SAMD12: variants seen among roughly 807,000 people sequenced by gnomAD.
SAMD12 encodes sterile alpha motif domain containing 12, also known as sterile alpha motif domain-containing protein 12.
In SAMD12, 9 loss-of-function variants were observed where a neutral mutation model predicts 15.0. That is an observed-to-expected ratio of 0.60 (90% CI 0.36 to 1.05). The LOEUF is 1.05. Ranked by LOEUF, SAMD12 falls within the 50% of genes least tolerant of loss-of-function variation. SAMD12 has a pLI of 0.01. For synonymous variants in SAMD12, 86 were observed against 90.1 expected (o/e 0.96, Z 0.25); for missense variants, 230 against 234.2 (o/e 0.98, Z 0.12).
intron 4 of SAMD12, among the ~76,000 whole-genome samples, chr8:118,353,487 G>A (rs772715623): frequency 1.3e-5 from 2 of 151,786 alleles, no homozygotes; most frequent in African/African-American, 4.8e-5. Flanking sequence ...GCTCTCCTCC[G>A]TGTGAGGCAA....
intron 3 of SAMD12, among the ~76,000 whole-genome samples, chr8:118,384,892 C>A (rs574746175): frequency 7.2e-5 from 11 of 152,222 alleles, no homozygotes; most frequent in South Asian, 6.2e-4. Context: ...CCTCTTACAA[C>A]CCAGTTCTGT....
intron 2 of SAMD12, among the ~76,000 whole-genome samples, chr8:118,568,649 T>C (rs1826918240): frequency 6.6e-6 from 1 of 152,194 alleles, no homozygotes; most frequent in Non-Finnish European, 1.5e-5. Context: ...AAAGCTTTAA[T>C]TTATGGGACT....
At chr8:118,503,603 T>C (rs2131046760) in intron 2 of SAMD12, among the ~76,000 whole-genome samples, 1 of 152,344 alleles carries the variant, frequency 6.6e-6, no homozygotes, top group East Asian at 1.9e-4. Flanking sequence ...CCTTTCATCC[T>C]TTCTAAGGAA....
rs564820880 is a variant in SAMD12, at chr8:118,245,963, G to A, written c.434-48231C>T. Among the ~76,000 whole-genome samples, 4 of 152,276 alleles carry A rather than the reference G, an allele frequency of 2.6e-5. No individual in the cohort carries two copies. In the East Asian group the frequency reaches 7.8e-4, roughly 30 times the overall value. Reference sequence around the variant, plus strand: ...GTTGAGAAGCAGCTGCAGGAGGTAGGCAGCACGGTGGTAGCACTTCAGAGC... The same window carrying A: ...GTTGAGAAGCAGCTGCAGGAGGTAGACAGCACGGTGGTAGCACTTCAGAGC... On this transcript the variant is annotated intron_variant, in intron 4 of 4. Coordinates refer to the SAMD12 transcript ENST00000409003.
rs543663613 is a variant in SAMD12, at chr8:118,454,342, T to C, written c.193-14381A>G. Among the ~76,000 whole-genome samples, 13 of 152,324 alleles carry C rather than the reference T, an allele frequency of 8.5e-5. No individual in the cohort carries two copies. In the South Asian group the frequency reaches 2.3e-3, roughly 27 times the overall value. ...AGCTTGATTCTCATTCCTTTTTTGA[T>C]ATCTTACATTTTTCCCCTAGAAGGC... On this transcript the variant is annotated intron_variant, in intron 2 of 3. Coordinates refer to ENST00000314727, the MANE Select transcript of SAMD12 (RefSeq NM_207506.3).
chr8:118,546,283 G>A (rs1826120332), intron 2 of SAMD12, among the ~76,000 whole-genome samples: 3 of 152,134 alleles, frequency 2.0e-5, no homozygotes, highest in Admixed American at 2.0e-4. Flanking sequence ...AAATGAAGAG[G>A]TGGAATTGGG....
intron 3 of SAMD12, among the ~76,000 whole-genome samples, chr8:118,406,890 T>TTGTGTGTGTG (rs3052708): frequency 0.025 from 3,664 of 147,384 alleles, 64 homozygotes; most frequent in African/African-American, 0.035. Flanking sequence ...CAATATTCCA[T>TTGTGTGTGTG]TGTGTGTGTG....
At position 118,580,900 on chromosome 8, in the gene SAMD12, A is replaced by T. The variant is rs761999125; in HGVS notation, c.14-7T>A. The T allele has an allele frequency of 1.9e-6, 3 of 1,599,518 alleles. No individual in the cohort carries two copies. The highest frequency in any genetic ancestry group is 2.3e-5 in the South Asian group (2 of 88,316). ...TTCAAACCACAGTGGAGAGCTAGGA[A>T]AAAGCAACAAATAGAACTCAGAAAA... On this transcript the variant is annotated splice_polypyrimidine_tract_variant and splice_region_variant and intron_variant, in intron 1 of 3. Coordinates refer to ENST00000314727, the MANE Select transcript of SAMD12 (RefSeq NM_207506.3).
intron 4 of SAMD12, among the ~76,000 whole-genome samples, chr8:118,345,232 C>T (rs1365782309): frequency 6.6e-6 from 1 of 152,144 alleles, no homozygotes; most frequent in South Asian, 2.1e-4. Flanking sequence ...ACATGCTGTA[C>T]AGGTTTGCAG....
rs78547324 is a variant in SAMD12, at chr8:118,443,589, A to G, written c.193-3628T>C. 1.6e-3 allele frequency among the ~76,000 whole-genome samples: 243 copies of G among 152,308 alleles called. 1 individual carries two copies. In the East Asian group the frequency reaches 0.04, roughly 25 times the overall value. On this transcript the variant is annotated intron_variant, in intron 2 of 3. Coordinates refer to ENST00000314727, the MANE Select transcript of SAMD12 (RefSeq NM_207506.3). ...CTACTGTTTGTCTCTTCTTAATCAG[A>G]TGGTAATAAAAGTATTGATACCATT...
intron 1 of SAMD12, among the ~76,000 whole-genome samples, chr8:118,598,544 T>C (rs1241109395): frequency 1.3e-5 from 2 of 152,222 alleles, no homozygotes; most frequent in Non-Finnish European, 2.9e-5. Flanking sequence ...TTATGGCAGC[T>C]CTAGCAGACT....
At chr8:118,160,211 T>G in the SAMD12 span, among the ~76,000 whole-genome samples, 4 of 152,208 alleles carry the variant, frequency 2.6e-5, no homozygotes, top group African/African-American at 9.6e-5. Context: ...CTGAAAACTA[T>G]AAAACATTGC....
At chr8:118,613,012 GAC>G (rs996353320) in intron 1 of SAMD12, among the ~76,000 whole-genome samples, 7 of 152,210 alleles carry the variant, frequency 4.6e-5, no homozygotes, top group Non-Finnish European at 1.5e-5. Context: ...AAAGTCTAGG[GAC>G]AGACTTCAGA....
intron 2 of SAMD12, among the ~76,000 whole-genome samples, chr8:118,474,601 G>A (rs577762766): frequency 6.6e-6 from 1 of 151,712 alleles, no homozygotes; most frequent in South Asian, 2.1e-4. Flanking sequence ...TGGTCAGGCT[G>A]GTCTTGGACT....
chr8:118,419,432 A>G (rs1247506904), intron 3 of SAMD12, among the ~76,000 whole-genome samples: 1 of 152,212 alleles, frequency 6.6e-6, no homozygotes, highest in Non-Finnish European at 1.5e-5. Flanking sequence ...TCAGTGGGAA[A>G]TTTCTTGTGG....
intron 4 of SAMD12, among the ~76,000 whole-genome samples, chr8:118,231,217 AG>A (rs1369981556): frequency 6.6e-6 from 1 of 152,168 alleles, no homozygotes; most frequent in Non-Finnish European, 1.5e-5. Context: ...GTGCTACAGC[AG>A]GGAGCCAGGC....
At chr8:118,340,924 A>G (rs981477490) in intron 4 of SAMD12, among the ~76,000 whole-genome samples, 1 of 152,208 alleles carries the variant, frequency 6.6e-6, no homozygotes, top group Non-Finnish European at 1.5e-5. Context: ...AGCGCACTGG[A>G]AAGGCATTCT....
intron 1 of SAMD12, among the ~76,000 whole-genome samples, chr8:118,619,135 C>G (rs1044643585): frequency 6.6e-6 from 1 of 152,116 alleles, no homozygotes; most frequent in Non-Finnish European, 1.5e-5. Flanking sequence ...AGCAGCAGTT[C>G]CTACATATCC....
At chr8:118,611,325 T>C (rs1334925024) in intron 1 of SAMD12, among the ~76,000 whole-genome samples, 1 of 151,732 alleles carries the variant, frequency 6.6e-6, no homozygotes, top group Non-Finnish European at 1.5e-5. Flanking sequence ...AAAAAAATGC[T>C]CAGTAAAAAG....
Sources: gnomAD v4.1 joint callset for allele counts (sites outside exome capture counted in the v4.1 genomes callset) on GRCh38, gnomAD v4.1.1 for gene constraint, MANE v1.5 for transcripts, NCBI Gene and HGNC (gene_info 2026-07-23, HGNC 2026-07-21) for gene names.